Variants in PHF2 observed in about 807,000 individuals in gnomAD.
PHF2 encodes PHD finger protein 2.
PHF2 carries 27 observed loss-of-function variants against 120.5 expected under a neutral mutation model. The observed-to-expected ratio is 0.22, with a 90% CI of 0.17 to 0.31. The LOEUF is 0.31. Among genes scored for constraint, PHF2 ranks in the 10% least tolerant of loss-of-function variants. The pLI is 1.00. For missense variants in PHF2, 1,024 were observed against 1,434.8 expected, an observed-to-expected ratio of 0.71 and a Z score of 4.63; for synonymous variants, 568 against 592.5, an observed-to-expected ratio of 0.96 and a Z score of 0.60.
intron 2 of PHF2, among the ~76,000 whole-genome samples, chr9:93,635,026 A>C (rs192205786): frequency 6.6e-6 from 1 of 152,336 alleles, no homozygotes; most frequent in Admixed American, 6.5e-5. Context: ...AAGGTCACAC[A>C]GCTGGAAGAG....
At chr9:93,647,286 C>T (rs1826277755) in intron 4 of PHF2, among the ~76,000 whole-genome samples, 1 of 152,218 alleles carries the variant, frequency 6.6e-6, no homozygotes, top group African/African-American at 2.4e-5. Flanking sequence ...TTCCACAGCT[C>T]TGAGAGCTGG....
At chr9:93,668,043 G>C (rs1247854173) in intron 17 of PHF2, among the ~76,000 whole-genome samples, 3 of 152,210 alleles carry the variant, frequency 2.0e-5, no homozygotes, top group Non-Finnish European at 4.4e-5. Context: ...GACAGATGGG[G>C]GGCTTGGGCA....
chr9:93,618,455 GCA>G (rs898380442), intron 1 of PHF2, among the ~76,000 whole-genome samples: 25 of 152,292 alleles, frequency 1.6e-4, no homozygotes, highest in Admixed American at 1.3e-4. Flanking sequence ...GGGCATACAA[GCA>G]CACACACACA....
intron 1 of PHF2, among the ~76,000 whole-genome samples, chr9:93,622,628 C>G (rs1825843262): frequency 6.6e-6 from 1 of 152,134 alleles, no homozygotes; most frequent in African/African-American, 2.4e-5. Flanking sequence ...CAAATTCTCC[C>G]TAGAGCTTCC....
At chr9:93,613,770 T>G (rs1345007921) in intron 1 of PHF2, among the ~76,000 whole-genome samples, 1 of 151,968 alleles carries the variant, frequency 6.6e-6, no homozygotes, top group Non-Finnish European at 1.5e-5. Context: ...AGAGTCTTAT[T>G]GTGTTGCCAA....
intron 1 of PHF2, among the ~76,000 whole-genome samples, chr9:93,625,040 A>G (rs1825889645): frequency 6.6e-6 from 1 of 152,236 alleles, no homozygotes; most frequent in Non-Finnish European, 1.5e-5. Context: ...GTAAATTCAC[A>G]ATGCTATGCA....
chr9:93,612,752 T>C (rs1467330507), intron 1 of PHF2, among the ~76,000 whole-genome samples: 1 of 152,214 alleles, frequency 6.6e-6, no homozygotes, highest in Non-Finnish European at 1.5e-5. Context: ...TGTCCTGAAT[T>C]GTTTTGATTT....
chr9:93,664,789 G>C (rs935819801), intron 14 of PHF2, among the ~76,000 whole-genome samples: 3 of 152,256 alleles, frequency 2.0e-5, no homozygotes, highest in Non-Finnish European at 2.9e-5. Flanking sequence ...CTAGGGAGTT[G>C]ACGATAGAGA....
chr9:93,667,114 T>C lies in PHF2; in HGVS notation c.2222T>C (p.Ile741Thr). The stretch of plus-strand genomic sequence containing the variant: ...TCCTCGGACGAGGGTTCGCTGCACA[T>C]CGACACAGACACCAAGCCCGGCCGC... Reference protein sequence around the residue: ...DDSSDEGSLHIDTDTKPGRNA... With the variant: ...DDSSDEGSLHTDTDTKPGRNA... The change falls in exon 17 of 22, where the codon ATC (isoleucine) becomes ACC (threonine). Residue 741 changes from isoleucine (I) to threonine (T), a missense_variant. Around this residue, in one of 2 missense-constraint regions of PHF2, gnomAD observed 677 missense variants for 857.4 expected, o/e 0.79. Transcript: ENST00000359246. The C allele has an allele frequency of 6.2e-7, 1 of 1,613,106 alleles. No individual in the cohort carries two copies. The highest frequency in any genetic ancestry group is 8.5e-7 in the Non-Finnish European group (1 of 1,179,950).
At chr9:93,626,522 A>T (rs1359050921) in intron 1 of PHF2, among the ~76,000 whole-genome samples, 1 of 152,158 alleles carries the variant, frequency 6.6e-6, no homozygotes, top group Non-Finnish European at 1.5e-5. Flanking sequence ...TTCTCCTTTA[A>T]TGTCACTTGC....
At chr9:93,597,229 T>A (rs1484495672) in intron 1 of PHF2, among the ~76,000 whole-genome samples, 1 of 152,192 alleles carries the variant, frequency 6.6e-6, no homozygotes, top group Non-Finnish European at 1.5e-5. Context: ...GCGCCTGGCC[T>A]CTGCCAAGTT....
intron 1 of PHF2, among the ~76,000 whole-genome samples, chr9:93,605,007 T>G (rs1265022356): frequency 6.6e-6 from 1 of 152,188 alleles, no homozygotes; most frequent in Non-Finnish European, 1.5e-5. Context: ...TTATTTTTAA[T>G]AGACTTAAGT....
At chr9:93,645,909 G>A in intron 4 of PHF2, 120 bp downstream of exon 4, 1 of 1,131,474 alleles carries the variant, frequency 8.8e-7, no homozygotes, top group Non-Finnish European at 1.2e-6. Context: ...GAGCAGTGGA[G>A]CCTCAAGGCT....
chr9:93,621,368 C>G (rs1286583071), intron 1 of PHF2, among the ~76,000 whole-genome samples: 1 of 152,220 alleles, frequency 6.6e-6, no homozygotes, highest in East Asian at 1.9e-4. Context: ...TTCTCTCAGT[C>G]TCTTGGGGTC....
chr9:93,651,559 C>T (rs1826370439), intron 5 of PHF2, among the ~76,000 whole-genome samples: 1 of 152,196 alleles, frequency 6.6e-6, no homozygotes, highest in Non-Finnish European at 1.5e-5. Context: ...ACACCATGGG[C>T]TGTCTGGGGT....
At chr9:93,617,575 C>CT (rs1184219287) in intron 1 of PHF2, among the ~76,000 whole-genome samples, 1 of 152,204 alleles carries the variant, frequency 6.6e-6, no homozygotes, top group Non-Finnish European at 1.5e-5. Flanking sequence ...AGCCTTTCAG[C>CT]TTTCTTTTTC....
chr9:93,627,849 A>G (rs10122270), intron 1 of PHF2, among the ~76,000 whole-genome samples: 86,614 of 151,886 alleles, frequency 0.57, 25,296 homozygotes, highest in South Asian at 0.78. Context: ...TGGGAACATA[A>G]GAATGAGGCA....
At chr9:93,659,469 G>A (rs751408198) in intron 10 of PHF2, 42 bp from the exon 11 acceptor site, 22 of 1,529,218 alleles carry the variant, frequency 1.4e-5, no homozygotes, top group Non-Finnish European at 1.1e-5. Context: ...TCAGGACCAC[G>A]GGAGGTGTCT....
intron 1 of PHF2, among the ~76,000 whole-genome samples, chr9:93,617,815 G>A (rs1450907009): frequency 6.6e-6 from 1 of 152,180 alleles, no homozygotes; most frequent in African/African-American, 2.4e-5. Context: ...TAGGCTGGGA[G>A]GCTAGGCCAA....
Sources: allele counts gnomAD v4.1 joint callset (sites outside exome capture counted in the v4.1 genomes callset), GRCh38; gene constraint gnomAD v4.1.1; regional missense constraint gnomAD v4.1.1; transcripts MANE v1.5; gene names NCBI Gene and HGNC (gene_info 2026-07-23, HGNC 2026-07-21).